Variants in CDH13 observed in about 807,000 individuals in gnomAD.
CDH13 encodes the protein cadherin-13.
CDH13 carries 24 observed loss-of-function variants against 63.8 expected under a neutral mutation model. The observed-to-expected ratio is 0.38, with a 90% CI of 0.27 to 0.53. The LOEUF (loss-of-function observed/expected upper bound fraction) is 0.53, where lower values mean the gene tolerates loss of function less well. Ranked by LOEUF, CDH13 falls within the 20% of genes least tolerant of loss-of-function variation. The probability of loss-of-function intolerance (pLI) is 0.85; values close to 1 mark genes in which losing one functional copy is unlikely to be tolerated. For missense variants in CDH13, 1,049 were observed against 903.1 expected, an observed-to-expected ratio of 1.16 and a Z score of -2.07; for synonymous variants, 503 against 355.3, an observed-to-expected ratio of 1.42 and a Z score of -4.67.
intron 6 of CDH13, among the ~76,000 whole-genome samples, chr16:83,362,356 C>A (rs1018306214): frequency 7.2e-5 from 11 of 152,204 alleles, no homozygotes; most frequent in Admixed American, 5.2e-4. Flanking sequence ...TTGAAAACTC[C>A]TATTCTAAGG....
intron 4 of CDH13, among the ~76,000 whole-genome samples, chr16:83,191,508 C>CATATAT (rs1464187204): frequency 0.012 from 869 of 70,010 alleles, 10 homozygotes; most frequent in African/African-American, 0.023. Flanking sequence ...TATATATACA[C>CATATAT]ACACACACAC....
chr16:82,976,590 C>G (rs1227184306), intron 2 of CDH13, among the ~76,000 whole-genome samples: 2 of 152,086 alleles, frequency 1.3e-5, no homozygotes, highest in African/African-American at 4.8e-5. Flanking sequence ...CCCCAGATAC[C>G]CATTTTACAA....
chr16:82,939,415 C>G (rs2042763779), intron 2 of CDH13, among the ~76,000 whole-genome samples: 1 of 132,038 alleles, frequency 7.6e-6, no homozygotes, highest in African/African-American at 2.8e-5. Flanking sequence ...AGAGTAAGAC[C>G]TTAGCTCAAA....
At chr16:83,527,557 A>G (rs2074993011) in intron 7 of CDH13, among the ~76,000 whole-genome samples, 2 of 152,248 alleles carry the variant, frequency 1.3e-5, no homozygotes, top group African/African-American at 2.4e-5. Context: ...CCACAGCATT[A>G]TAGAAACGGC....
rs981158706 is a variant in CDH13 at position 83,274,447 on chromosome 16, C to T, written c.636+56950C>T. On this transcript the variant is annotated intron_variant, in intron 5 of 13. Transcript: ENST00000567109. ...CCCTCACCTGCTAGAGACCCTCTGC[C>T]ACAGGCTTCAGTTAGTTATTCCAGC... is the stretch of plus-strand genomic sequence containing the variant. 3.9e-5 allele frequency among the ~76,000 whole-genome samples: 6 copies of T among 152,188 alleles called. 1 individual carries two copies. Among genetic ancestry groups the T allele is most frequent in the Admixed American group, 2.6e-4 (4 of 15,280 alleles).
At chr16:82,929,682 A>AAAAAAAAAAAC in intron 2 of CDH13, among the ~76,000 whole-genome samples, 1 of 142,992 alleles carries the variant, frequency 7.0e-6, no homozygotes, top group African/African-American at 2.6e-5. Flanking sequence ...AAAAAAAAAA[A>AAAAAAAAAAAC]AGAAGACAGC....
rs1034793167 is a variant in CDH13, at chr16:82,896,823, C to G, written c.157+38350C>G. ...TGAGACGGAGTCTCACTTTGTCACC[C>G]AGGCTGGAGTGTAGTGGTGCAGTCT... On this transcript the variant is annotated intron_variant, in intron 2 of 13. Transcript: ENST00000567109. Among the ~76,000 whole-genome samples the G allele has an allele frequency of 8.6e-5, 11 of 127,428 alleles. No individual in the cohort carries two copies. The East Asian group carries it at 1.8e-3, about 20-fold the overall frequency. The allele number at this position is 127,428 out of a possible 152,430, so 83.6% of individuals were successfully genotyped here. A position where few individuals can be genotyped will look rare whatever the true frequency, so the allele number is the denominator to read the frequency against.
At chr16:83,324,467 G>A (rs576902604) in intron 5 of CDH13, among the ~76,000 whole-genome samples, 1 of 152,136 alleles carries the variant, frequency 6.6e-6, no homozygotes, top group Admixed American at 6.5e-5. Context: ...AGATGTGTCT[G>A]TTCTAAACTT....
At chr16:82,838,506 T>C (rs1271955849) in intron 1 of CDH13, among the ~76,000 whole-genome samples, 1 of 152,214 alleles carries the variant, frequency 6.6e-6, no homozygotes, top group Non-Finnish European at 1.5e-5. Flanking sequence ...AAAAAGTTTT[T>C]AGAAAATGCT....
intron 1 of CDH13, among the ~76,000 whole-genome samples, chr16:82,764,297 G>A (rs1462044): frequency 0.01 from 1,541 of 152,274 alleles, 25 homozygotes; most frequent in African/African-American, 0.036. Context: ...TGATTATTTG[G>A]TTCCCAATAC....
intron 2 of CDH13, among the ~76,000 whole-genome samples, chr16:82,992,437 G>A (rs1472920981): frequency 2.0e-5 from 3 of 152,148 alleles, no homozygotes; most frequent in African/African-American, 7.2e-5. Flanking sequence ...TCTCTTATCA[G>A]TGAGACTTTG....
chr16:83,656,216 G>C (rs1912854815), intron 8 of CDH13, among the ~76,000 whole-genome samples: 1 of 152,194 alleles, frequency 6.6e-6, no homozygotes, highest in South Asian at 2.1e-4. Context: ...GACTGGATGT[G>C]AGAAATGAGA....
chr16:83,054,677 C>G (rs2030738281), intron 3 of CDH13, among the ~76,000 whole-genome samples: 1 of 152,058 alleles, frequency 6.6e-6, no homozygotes, highest in Non-Finnish European at 1.5e-5. Context: ...AAGAGGGTGA[C>G]TGGTGTATAA....
At chr16:82,707,076 C>T (rs866802135) in intron 1 of CDH13, among the ~76,000 whole-genome samples, 6 of 152,118 alleles carry the variant, frequency 3.9e-5, no homozygotes, top group Non-Finnish European at 7.4e-5. Context: ...CCCTGTTTGG[C>T]GGGAAAATAG....
intron 2 of CDH13, among the ~76,000 whole-genome samples, chr16:82,895,693 T>C (rs985540061): frequency 5.9e-5 from 9 of 151,718 alleles, no homozygotes; most frequent in African/African-American, 1.9e-4. Context: ...CTCTCCCTTT[T>C]TTTTTTTTTA....
intron 1 of CDH13, among the ~76,000 whole-genome samples, chr16:82,840,697 A>T (rs1004712267): frequency 6.6e-6 from 1 of 151,876 alleles, no homozygotes; most frequent in African/African-American, 2.4e-5. Context: ...AAAAAAAAAA[A>T]AAAAAGAAAA....
chr16:83,569,900 C>T (rs939915627), intron 7 of CDH13, among the ~76,000 whole-genome samples: 1 of 152,070 alleles, frequency 6.6e-6, no homozygotes, highest in African/African-American at 2.4e-5. Flanking sequence ...CCATGCCAGG[C>T]TAATTTTTGT....
chr16:82,706,883 C>T (rs2031538132), intron 1 of CDH13, among the ~76,000 whole-genome samples: 1 of 152,138 alleles, frequency 6.6e-6, no homozygotes, highest in South Asian at 2.1e-4. Flanking sequence ...GTATATGTGC[C>T]TGCCACATTT....
intron 2 of CDH13, among the ~76,000 whole-genome samples, chr16:82,875,333 T>C (rs1484283698): frequency 6.6e-6 from 1 of 152,170 alleles, no homozygotes; most frequent in African/African-American, 2.4e-5. Context: ...ATAATTACAA[T>C]ATGATGACTT....
Sources: allele counts gnomAD v4.1 joint callset (sites outside exome capture counted in the v4.1 genomes callset), GRCh38; gene constraint gnomAD v4.1.1; transcripts MANE v1.5; gene names NCBI Gene and HGNC (gene_info 2026-07-23, HGNC 2026-07-21).